PAPPA2: variants seen among roughly 807,000 people sequenced by gnomAD.
PAPPA2 encodes pappalysin-2.
Under a neutral mutation model 176.4 loss-of-function variants are expected in PAPPA2, and 86 were observed. The ratio of observed to expected loss-of-function variants is 0.49; its 90% CI spans 0.41 to 0.58. The LOEUF is 0.58. Ranked by LOEUF, PAPPA2 falls within the 20% of genes least tolerant of loss-of-function variation. The pLI, the probability that PAPPA2 is intolerant of heterozygous loss-of-function variation, is 0.00. For missense variants in PAPPA2, 2,073 were observed against 2,256.9 expected (o/e 0.92, Z 1.65); for synonymous variants, 809 against 852.2 (o/e 0.95, Z 0.88).
intron 1 of PAPPA2, among the ~76,000 whole-genome samples, chr1:176,501,604 A>G (rs1647966836): frequency 6.6e-6 from 1 of 152,200 alleles, no homozygotes; most frequent in African/African-American, 2.4e-5. Context: ...GTAATTTTCC[A>G]GTAAGAAATG....
chr1:176,581,958 C>G (rs1210498431), intron 2 of PAPPA2, among the ~76,000 whole-genome samples: 1 of 122,034 alleles, frequency 8.2e-6, no homozygotes, highest in Non-Finnish European at 1.6e-5. Context: ...GAGTCTCACT[C>G]TGTTGCCCAG....
intron 1 of PAPPA2, among the ~76,000 whole-genome samples, chr1:176,518,355 G>A (rs1234680374): frequency 6.6e-6 from 1 of 151,872 alleles, no homozygotes; most frequent in South Asian, 2.1e-4. Flanking sequence ...CAACCCAAAT[G>A]CGAAGAGTTG....
At chr1:176,604,340 A>G (rs1184742721) in intron 3 of PAPPA2, among the ~76,000 whole-genome samples, 1 of 152,194 alleles carries the variant, frequency 6.6e-6, no homozygotes, top group Non-Finnish European at 1.5e-5. Flanking sequence ...CTACGAGGGA[A>G]GGGGTTTTTA....
intron 3 of PAPPA2, among the ~76,000 whole-genome samples, chr1:176,647,364 T>A (rs760093884): frequency 6.6e-6 from 1 of 151,696 alleles, no homozygotes; most frequent in Non-Finnish European, 1.5e-5. Context: ...CTGTGGGTTA[T>A]CTCTTCACTT....
chr1:176,842,555 A>G lies in PAPPA2; in HGVS notation c.*101A>G. 9.2e-7 allele frequency: 1 copy of G among 1,088,210 alleles called. No homozygotes were observed. 67.4% of individuals were successfully genotyped at this position (1,088,210 alleles called of 1,614,324 possible). Reference sequence around the variant, plus strand: ...GTGAATGAAGAAGAACAATCATGAAATGGAAGAAGGAGGAAGAGCATGAAG... The same window carrying G: ...GTGAATGAAGAAGAACAATCATGAAGTGGAAGAAGGAGGAAGAGCATGAAG... On this transcript the variant is annotated 3_prime_UTR_variant, in exon 23 of 23. Coordinates refer to ENST00000367662, the MANE Select transcript of PAPPA2 (RefSeq NM_020318.3).
chr1:176,818,239 A>G (rs1227884017), intron 21 of PAPPA2, among the ~76,000 whole-genome samples: 1 of 152,170 alleles, frequency 6.6e-6, no homozygotes, highest in Non-Finnish European at 1.5e-5. Context: ...GCTTTGAGTA[A>G]TAATCTGATT....
At chr1:176,751,156 T>G (rs1259798052) in intron 14 of PAPPA2, among the ~76,000 whole-genome samples, 1 of 151,804 alleles carries the variant, frequency 6.6e-6, no homozygotes, top group Admixed American at 6.6e-5. Context: ...GTTGTAGATA[T>G]GCGGCATTAT....
chr1:176,594,643 G>A lies in PAPPA2; in HGVS notation c.1039G>A (p.Val347Met), dbSNP rs138546816. The A allele has an allele frequency of 4.8e-3, 7,801 of 1,614,214 alleles. 27 individuals carry two copies. The highest frequency in any genetic ancestry group is 8.1e-3 in the South Asian group (740 of 91,082). Residue 347 changes from valine to methionine, a missense_variant, in exon 3 of 23, where the codon GTG becomes ATG. Val to Met is a conservative substitution (Grantham distance 21). Coordinates refer to ENST00000367662, the MANE Select transcript of PAPPA2 (RefSeq NM_020318.3). ...CTTCTTCTCCCTCTGCACCGACCGC[G>A]TGAAGAAAGCCACCATCTTGATTAG... ...RFFFSLCTDR[V>M]KKATILISHS...
chr1:176,612,688 T>G (rs1341006485), intron 3 of PAPPA2, among the ~76,000 whole-genome samples: 1 of 152,228 alleles, frequency 6.6e-6, no homozygotes, highest in African/African-American at 2.4e-5. Flanking sequence ...CTATGTAGTG[T>G]AATGAACAAT....
intron 2 of PAPPA2, among the ~76,000 whole-genome samples, chr1:176,567,041 A>G (rs1260217563): frequency 6.6e-6 from 1 of 152,184 alleles, no homozygotes; most frequent in African/African-American, 2.4e-5. Context: ...GATTTGTTTC[A>G]GCTCACATCA....
intron 1 of PAPPA2, among the ~76,000 whole-genome samples, chr1:176,514,368 A>T (rs1648783596): frequency 6.6e-6 from 1 of 152,206 alleles, no homozygotes; most frequent in Non-Finnish European, 1.5e-5. Context: ...GCACCAAGCC[A>T]TTCATAAGGG....
At chr1:176,829,773 A>T (rs1486156057) in intron 21 of PAPPA2, among the ~76,000 whole-genome samples, 1 of 152,174 alleles carries the variant, frequency 6.6e-6, no homozygotes, top group Non-Finnish European at 1.5e-5. Flanking sequence ...TGTTTCAATT[A>T]TGTGGGATGT....
chr1:176,816,616 G>A (rs968305142), intron 21 of PAPPA2, among the ~76,000 whole-genome samples: 10 of 150,608 alleles, frequency 6.6e-5, no homozygotes, highest in Non-Finnish European at 1.0e-4. Context: ...TTTTTTATGA[G>A]TTCATGCCTT....
At chr1:176,655,705 G>A (rs1315610554) in intron 3 of PAPPA2, among the ~76,000 whole-genome samples, 1 of 151,740 alleles carries the variant, frequency 6.6e-6, no homozygotes, top group Non-Finnish European at 1.5e-5. Flanking sequence ...GAAAGCGGGT[G>A]GATGATAAGA....
In PAPPA2 at chr1:176,776,542, G is replaced by A. The variant is rs1304937866; in HGVS notation, c.4715+5362G>A. On this transcript the variant is annotated intron_variant, in intron 17 of 22. Coordinates refer to ENST00000367662, the MANE Select transcript of PAPPA2 (RefSeq NM_020318.3). ...CTATTTATTGTTTAACAAATGTTTG[G>A]TTGGTGAATGCCTTTAGTGGAGCCT... Among the ~76,000 whole-genome samples, 10 of 152,134 alleles carry A rather than the reference G, an allele frequency of 6.6e-5. 1 individual carries two copies. The highest frequency in any genetic ancestry group is 1.0e-4 in the Non-Finnish European group (7 of 68,028).
chr1:176,552,387 TTC>T (rs978096929), intron 1 of PAPPA2, among the ~76,000 whole-genome samples: 19 of 146,022 alleles, frequency 1.3e-4, no homozygotes, highest in African/African-American at 4.8e-4. Context: ...TCCTTCTTTC[TTC>T]TCTTTTCTTC....
At chr1:176,663,168 C>T (rs1452537228) in intron 3 of PAPPA2, among the ~76,000 whole-genome samples, 1 of 152,140 alleles carries the variant, frequency 6.6e-6, no homozygotes, top group Non-Finnish European at 1.5e-5. Context: ...TTCCACACTA[C>T]CCTTTGTCTT....
At chr1:176,748,626 A>G (rs1181229793) in intron 14 of PAPPA2, among the ~76,000 whole-genome samples, 3 of 152,220 alleles carry the variant, frequency 2.0e-5, no homozygotes, top group Non-Finnish European at 4.4e-5. Context: ...ACAGTCATGT[A>G]CCACATTACA....
At chr1:176,495,545 A>AAAAAAAAAGAAAAG (rs1319712655) in intron 1 of PAPPA2, among the ~76,000 whole-genome samples, 2 of 151,710 alleles carry the variant, frequency 1.3e-5, no homozygotes, top group African/African-American at 4.8e-5. Context: ...TTCAAAAAAA[A>AAAAAAAAAGAAAAG]AAAAAAAGAA....
Sources: gnomAD v4.1 joint callset for allele counts (sites outside exome capture counted in the v4.1 genomes callset) on GRCh38, gnomAD v4.1.1 for gene constraint, MANE v1.5 for transcripts, NCBI Gene and HGNC (gene_info 2026-07-23, HGNC 2026-07-21) for gene names.